The following CACNA2D1 variants were observed in gnomAD, a reference collection of about 807,000 sequenced individuals.
CACNA2D1 encodes the protein calcium voltage-gated channel auxiliary subunit alpha2delta 1, also known as voltage-dependent calcium channel subunit alpha-2/delta-1.
Under a neutral mutation model 171.5 loss-of-function variants are expected in CACNA2D1, and 53 were observed. The ratio of observed to expected loss-of-function variants is 0.31; its 90% confidence interval spans 0.25 to 0.39. The LOEUF is 0.39. CACNA2D1 is among the 10% of genes least tolerant of loss of function. The pLI is 1.00. For synonymous variants in CACNA2D1, 442 were observed against 443.1 expected (o/e 1.00, Z 0.03); for missense variants, 903 against 1,299.8 (o/e 0.69, Z 4.69).
chr7:81,961,834 T>A (rs374759811), intron 36 of CACNA2D1, 60 bp downstream of exon 36: 1 of 273,144 alleles, frequency 3.7e-6, no homozygotes, highest in Non-Finnish European at 5.6e-6. Flanking sequence ...TTCTTAATGA[T>A]TATAACAGTA....
In CACNA2D1 at chr7:82,233,043, T is replaced by G. The variant is rs548680310; in HGVS notation, c.295-62434A>C. The stretch of plus-strand genomic sequence containing the variant: ...ACGTGTCCAAACGTTGAAAATCAGC[T>G]AGCAAATTTCTTATAACGGGGAAGT... On this transcript the variant is annotated intron_variant, in intron 3 of 38. Transcript: ENST00000356860. Among the ~76,000 whole-genome samples, 239 of 152,178 alleles carry G rather than the reference T, an allele frequency of 1.6e-3. 1 individual carries two copies. The highest frequency in any genetic ancestry group is 5.6e-3 in the African/African-American group (233 of 41,518).
intron 34 of CACNA2D1, 25 bp from the exon 35 acceptor site, chr7:81,962,520 A>T (rs1562783999): frequency 6.9e-7 from 1 of 1,449,256 alleles, no homozygotes; most frequent in Non-Finnish European, 9.5e-7. Context: ...TAAAAAAAAA[A>T]TAAACATCTA....
At chr7:81,976,517 G>A (rs1402609941) in intron 24 of CACNA2D1, among the ~76,000 whole-genome samples, 1 of 152,154 alleles carries the variant, frequency 6.6e-6, no homozygotes, top group East Asian at 1.9e-4. Flanking sequence ...AATTGTGAAT[G>A]GGAGTTCACT....
At chr7:82,079,178 A>G (rs1262491377) in intron 7 of CACNA2D1, among the ~76,000 whole-genome samples, 1 of 152,138 alleles carries the variant, frequency 6.6e-6, no homozygotes, top group Non-Finnish European at 1.5e-5. Context: ...TCATGAGAGT[A>G]CTCTAACTTT....
At chr7:82,269,086 C>T (rs951141855) in intron 3 of CACNA2D1, among the ~76,000 whole-genome samples, 1 of 150,872 alleles carries the variant, frequency 6.6e-6, no homozygotes, top group Admixed American at 6.6e-5. Context: ...TCACCTTCAG[C>T]GACGCAACAA....
At chr7:82,250,351 C>T (rs1585220869) in intron 3 of CACNA2D1, among the ~76,000 whole-genome samples, 1 of 152,148 alleles carries the variant, frequency 6.6e-6, no homozygotes, top group Admixed American at 6.5e-5. Flanking sequence ...TATAATACTA[C>T]GTGGAGAGAG....
chr7:82,294,018 T>C (rs1811972426), intron 3 of CACNA2D1, among the ~76,000 whole-genome samples: 1 of 152,162 alleles, frequency 6.6e-6, no homozygotes, highest in Admixed American at 6.6e-5. Context: ...CTATCTTCTC[T>C]TTTATCATCT....
At chr7:82,384,626 G>A (rs532351585) in intron 1 of CACNA2D1, among the ~76,000 whole-genome samples, 2 of 149,956 alleles carry the variant, frequency 1.3e-5, no homozygotes, top group Middle Eastern at 3.5e-3. Context: ...GGGAGGAAAA[G>A]TGAAGTGAAG....
intron 38 of CACNA2D1, among the ~76,000 whole-genome samples, chr7:81,953,543 A>G (rs1172414210): frequency 6.9e-6 from 1 of 145,382 alleles, no homozygotes; most frequent in Non-Finnish European, 1.5e-5. Context: ...ACCAGTAACA[A>G]TTGAATATCA....
At chr7:82,272,096 T>C (rs540600151) in intron 3 of CACNA2D1, among the ~76,000 whole-genome samples, 293 of 152,256 alleles carry the variant, frequency 1.9e-3, no homozygotes, top group African/African-American at 6.9e-3. Context: ...AGAGAAAACT[T>C]CTGACAGATT....
At chr7:82,084,470 G>C (rs1310035349) in intron 7 of CACNA2D1, among the ~76,000 whole-genome samples, 2 of 152,092 alleles carry the variant, frequency 1.3e-5, no homozygotes, top group Non-Finnish European at 2.9e-5. Context: ...CTTTATCTCA[G>C]AGCTGTTTTA....
Position 82,004,795 on chromosome 7 carries a change from G to C in CACNA2D1, c.1590+628C>G, listed in dbSNP as rs1336315123. Reference sequence around the variant, plus strand: ...ATGAAGAGTGAAATGAGTTGTACAAGGTAATTTGTGAAAATATCTTGTATC... The same window carrying C: ...ATGAAGAGTGAAATGAGTTGTACAACGTAATTTGTGAAAATATCTTGTATC... On this transcript the variant is annotated intron_variant, in intron 18 of 38. Transcript: ENST00000356860. Among the ~76,000 whole-genome samples, 8 of 152,166 alleles carry C rather than the reference G, an allele frequency of 5.3e-5. No homozygotes were observed. In the South Asian group the frequency reaches 1.5e-3, roughly 28 times the overall value.
chr7:82,394,536 T>G (rs1339869691), intron 1 of CACNA2D1, among the ~76,000 whole-genome samples: 2 of 152,160 alleles, frequency 1.3e-5, no homozygotes, highest in Non-Finnish European at 2.9e-5. Flanking sequence ...CAAGTTTGCT[T>G]CAAAGACATT....
chr7:82,021,560 A>G (rs916893863), intron 12 of CACNA2D1, among the ~76,000 whole-genome samples: 2 of 152,064 alleles, frequency 1.3e-5, no homozygotes, highest in Non-Finnish European at 2.9e-5. Context: ...TATGACCAAC[A>G]TATCTGCTAG....
intron 12 of CACNA2D1, chr7:82,021,082 G>T (rs1041521480): frequency 3.3e-5 from 5 of 152,030 alleles, no homozygotes; most frequent in Non-Finnish European, 5.9e-5. Flanking sequence ...AGATTATAAG[G>T]AAGTAATCTG....
intron 1 of CACNA2D1, among the ~76,000 whole-genome samples, chr7:82,388,049 G>A (rs1265173851): frequency 1.4e-5 from 2 of 144,302 alleles, no homozygotes; most frequent in Admixed American, 1.4e-4. Context: ...GTGACAAAGT[G>A]AGACCCTGTC....
Position 82,349,697 on chromosome 7 carries a change from A to G in CACNA2D1, c.96-48T>C, listed in dbSNP as rs200610005. ...TGTTCTATCAGATCTCTGGCAAATA[A>G]AAGTCACATGCTGATATTTTATATC... On this transcript the variant is annotated intron_variant, in intron 1 of 38. Coordinates refer to ENST00000356860, the MANE Select transcript of CACNA2D1 (RefSeq NM_000722.4). The G allele has an allele frequency of 3.6e-6, 5 of 1,372,080 alleles. No homozygotes were observed. In the East Asian group the frequency reaches 9.1e-5, roughly 25 times the overall value. 85.0% of individuals were successfully genotyped at this position (1,372,080 alleles called of 1,614,324 possible).
intron 24 of CACNA2D1, among the ~76,000 whole-genome samples, chr7:81,978,784 C>A (rs1345124017): frequency 3.6e-5 from 5 of 137,184 alleles, no homozygotes; most frequent in African/African-American, 1.4e-4. Flanking sequence ...CACACACACA[C>A]ACTGTTCAAA....
At chr7:81,999,639 GTTGT>G (rs1030230145) in intron 18 of CACNA2D1, among the ~76,000 whole-genome samples, 75 of 152,132 alleles carry the variant, frequency 4.9e-4, no homozygotes, top group African/African-American at 1.7e-3. Context: ...CCATTTTCAG[GTTGT>G]TTATTTTTTA....
Sources: gnomAD v4.1 joint callset for allele counts (sites outside exome capture counted in the v4.1 genomes callset) on GRCh38, gnomAD v4.1.1 for gene constraint, MANE v1.5 for transcripts, NCBI Gene and HGNC (gene_info 2026-07-23, HGNC 2026-07-21) for gene names.